Variants in SNTG1 observed in about 807,000 individuals in gnomAD.
The protein encoded by SNTG1 is syntrophin gamma 1.
Under a neutral mutation model 74.7 loss-of-function variants are expected in SNTG1, and 39 were observed. The ratio of observed to expected loss-of-function variants is 0.52; its 90% CI spans 0.40 to 0.68. SNTG1 has a LOEUF of 0.68. Among genes scored for constraint, SNTG1 ranks in the 30% least tolerant of loss-of-function variants. SNTG1 has a pLI of 0.00. For synonymous variants in SNTG1, 254 were observed against 217.1 expected, an observed-to-expected ratio of 1.17 and a Z score of -1.49; for missense variants, 685 against 609.5, an observed-to-expected ratio of 1.12 and a Z score of -1.30.
chr8:50,789,262 A>G (rs1468478453), intron 18 of SNTG1, among the ~76,000 whole-genome samples: 1 of 151,900 alleles, frequency 6.6e-6, no homozygotes. Flanking sequence ...TCCAGCTGTC[A>G]TTTTACAAGA....
intron 2 of SNTG1, among the ~76,000 whole-genome samples, chr8:50,254,502 A>T (rs1268009498): frequency 6.6e-6 from 1 of 152,096 alleles, no homozygotes. Context: ...TGAGTCTCAA[A>T]TTTCTTATGA....
chr8:50,598,618 G>A (rs560634423), intron 13 of SNTG1, among the ~76,000 whole-genome samples: 4 of 151,952 alleles, frequency 2.6e-5, no homozygotes, highest in African/African-American at 9.6e-5. Flanking sequence ...TGTGAAAATG[G>A]CATTGTCATT....
intron 15 of SNTG1, among the ~76,000 whole-genome samples, chr8:50,672,786 C>T (rs2095291048): frequency 6.6e-6 from 1 of 152,052 alleles, no homozygotes; most frequent in African/African-American, 2.4e-5. Context: ...AATGATATTG[C>T]CTAGGTTTTC....
At chr8:50,582,661 G>T (rs538012784) in intron 12 of SNTG1, among the ~76,000 whole-genome samples, 3 of 152,092 alleles carry the variant, frequency 2.0e-5, no homozygotes, top group Admixed American at 6.5e-5. Flanking sequence ...GAAAAAAACA[G>T]GAATTCAAGC....
chr8:50,374,530 T>C (rs2092336413), intron 2 of SNTG1, among the ~76,000 whole-genome samples: 1 of 152,172 alleles, frequency 6.6e-6, no homozygotes, highest in African/African-American at 2.4e-5. Flanking sequence ...GTCCTTTCTG[T>C]TTTCAGCCTC....
At chr8:49,986,985 T>TTCCTA (rs987003414) in intron 1 of SNTG1, among the ~76,000 whole-genome samples, 1 of 152,224 alleles carries the variant, frequency 6.6e-6, no homozygotes, top group African/African-American at 2.4e-5. Flanking sequence ...TATCCCAAAA[T>TTCCTA]TCCTAGCTAG....
intron 2 of SNTG1, among the ~76,000 whole-genome samples, chr8:50,228,433 A>C (rs2085453043): frequency 6.6e-6 from 1 of 151,956 alleles, no homozygotes; most frequent in African/African-American, 2.4e-5. Context: ...CAAAATGAAC[A>C]ATCAATGCCA....
chr8:50,220,077 G>T (rs549422432), intron 2 of SNTG1, among the ~76,000 whole-genome samples: 1 of 152,144 alleles, frequency 6.6e-6, no homozygotes, highest in East Asian at 1.9e-4. Context: ...CTTTAAGAAG[G>T]TCCCATTGGT....
intron 1 of SNTG1, among the ~76,000 whole-genome samples, chr8:50,092,375 A>G (rs1190661372): frequency 6.6e-6 from 1 of 152,104 alleles, no homozygotes; most frequent in Non-Finnish European, 1.5e-5. Context: ...CTCTTCCTTT[A>G]GGAAGGCCGT....
intron 12 of SNTG1, among the ~76,000 whole-genome samples, chr8:50,556,136 A>G (rs2094454254): frequency 6.6e-6 from 1 of 152,194 alleles, no homozygotes; most frequent in South Asian, 2.1e-4. Context: ...ATTGTATTTT[A>G]TCATTATTCA....
At chr8:50,167,333 T>TA (rs34145193) in intron 1 of SNTG1, among the ~76,000 whole-genome samples, 106 of 139,374 alleles carry the variant, frequency 7.6e-4, no homozygotes, top group Admixed American at 2.1e-3. Context: ...TAAAATAAAA[T>TA]AAAAAAAAAA....
chr8:49,997,750 G>T (rs868307061), intron 1 of SNTG1, among the ~76,000 whole-genome samples: 1 of 151,844 alleles, frequency 6.6e-6, no homozygotes, highest in African/African-American at 2.4e-5. Context: ...TTCTGTTATT[G>T]TTGTTTTTTT....
chr8:50,285,646 A>G (rs1384967797), intron 2 of SNTG1, among the ~76,000 whole-genome samples: 1 of 152,090 alleles, frequency 6.6e-6, no homozygotes, highest in East Asian at 1.9e-4. Context: ...ATTCATTTTT[A>G]TATATGCACA....
At chr8:50,209,992 C>T (rs975203349) in intron 2 of SNTG1, among the ~76,000 whole-genome samples, 8 of 152,070 alleles carry the variant, frequency 5.3e-5, no homozygotes, top group South Asian at 4.1e-4. Flanking sequence ...AAATATTAGA[C>T]GAATGGCTAA....
chr8:50,536,144 G>A, intron 10 of SNTG1, among the ~76,000 whole-genome samples: 1 of 152,126 alleles, frequency 6.6e-6, no homozygotes, highest in East Asian at 1.9e-4. Flanking sequence ...TTATGAACAT[G>A]AAGTTAGAAA....
intron 3 of SNTG1, among the ~76,000 whole-genome samples, chr8:50,395,661 G>A (rs545582937): frequency 1.4e-4 from 22 of 151,828 alleles, no homozygotes; most frequent in African/African-American, 4.8e-4. Flanking sequence ...CTGCCACCAC[G>A]CCAGGCTAAT....
At chr8:50,362,129 A>G (rs146989741) in intron 2 of SNTG1, among the ~76,000 whole-genome samples, 86 of 152,116 alleles carry the variant, frequency 5.7e-4, no homozygotes, top group Middle Eastern at 3.4e-3. Context: ...ATAGAAAATC[A>G]CCTCAGGACT....
intron 8 of SNTG1, among the ~76,000 whole-genome samples, chr8:50,501,144 G>A (rs753781839): frequency 3.6e-4 from 54 of 152,006 alleles, no homozygotes; most frequent in Non-Finnish European, 3.4e-4. Flanking sequence ...GCCTTGCCTG[G>A]TATTAGTGCG....
At chr8:50,671,734 C>T (rs983180237) in intron 15 of SNTG1, among the ~76,000 whole-genome samples, 3 of 151,930 alleles carry the variant, frequency 2.0e-5, no homozygotes, top group African/African-American at 7.3e-5. Flanking sequence ...GCTATAAAGA[C>T]ACATGCACAC....
Sources: allele counts gnomAD v4.1 joint callset (sites outside exome capture counted in the v4.1 genomes callset), GRCh38; gene constraint gnomAD v4.1.1; transcripts MANE v1.5; gene names NCBI Gene and HGNC (gene_info 2026-07-23, HGNC 2026-07-21).